The following TBC1D31 variants were observed in gnomAD, a reference collection of about 807,000 sequenced individuals.
TBC1D31 encodes the protein TBC1 domain family member 31.
TBC1D31 carries 99 observed loss-of-function variants against 132.9 expected under a neutral mutation model. The observed-to-expected ratio is 0.74, with a 90% CI of 0.63 to 0.88. TBC1D31 has a LOEUF of 0.88. TBC1D31 is among the 40% of genes least tolerant of loss of function. The pLI is 0.00. For missense variants in TBC1D31, 1,134 were observed against 1,256.6 expected, an observed-to-expected ratio of 0.90 and a Z score of 1.48; for synonymous variants, 385 against 419.4, an observed-to-expected ratio of 0.92 and a Z score of 1.00.
chr8:123,085,034 C>G (rs551115991), intron 4 of TBC1D31, among the ~76,000 whole-genome samples: 1 of 152,290 alleles, frequency 6.6e-6, no homozygotes, highest in African/African-American at 2.4e-5. Flanking sequence ...AAGCAATCCT[C>G]TTGCCTCGGC....
At chr8:123,130,045 T>C (rs1192338761) in intron 15 of TBC1D31, among the ~76,000 whole-genome samples, 153 bp from the exon 16 acceptor site, 1 of 152,214 alleles carries the variant, frequency 6.6e-6, no homozygotes, top group Non-Finnish European at 1.5e-5. Context: ...GTATACATCA[T>C]CTTTGGTAAC....
intron 5 of TBC1D31, 84 bp downstream of exon 5, chr8:123,093,826 C>A: frequency 2.0e-6 from 2 of 1,006,484 alleles, no homozygotes; most frequent in Admixed American, 3.0e-5. Context: ...AGTTTTTATT[C>A]AGTATCTTTT....
intron 4 of TBC1D31, among the ~76,000 whole-genome samples, chr8:123,089,319 A>G (rs1426186932): frequency 6.6e-6 from 1 of 152,202 alleles, no homozygotes; most frequent in Non-Finnish European, 1.5e-5. Context: ...AATCTATGCA[A>G]AGTTAGCACA....
chr8:123,139,260 T>C (rs1166895457), intron 17 of TBC1D31, among the ~76,000 whole-genome samples: 2 of 152,268 alleles, frequency 1.3e-5, no homozygotes, highest in South Asian at 2.1e-4. Context: ...AACACCCTGA[T>C]AGACCCATCA....
At chr8:123,087,109 G>A in intron 4 of TBC1D31, among the ~76,000 whole-genome samples, 1 of 152,172 alleles carries the variant, frequency 6.6e-6, no homozygotes, top group East Asian at 1.9e-4. Flanking sequence ...CCTCTTCAAA[G>A]CTTTCTGTTT....
chr8:123,163,148 A>G, the TBC1D31 span, among the ~76,000 whole-genome samples: 1 of 151,598 alleles, frequency 6.6e-6, no homozygotes, highest in African/African-American at 2.4e-5. Context: ...TTTAAATGTC[A>G]TATACTCAGT....
intron 7 of TBC1D31, 89 bp downstream of exon 7, chr8:123,101,096 A>G (rs951812669): frequency 9.9e-6 from 10 of 1,005,100 alleles, no homozygotes; most frequent in African/African-American, 1.6e-5. Context: ...TACTATTTCT[A>G]ACTTACCTGG....
chr8:123,094,731 G>A (rs576496422), intron 5 of TBC1D31, among the ~76,000 whole-genome samples: 2 of 151,712 alleles, frequency 1.3e-5, no homozygotes, highest in South Asian at 4.2e-4. Context: ...GTAGAGACGG[G>A]GGTTTCACCA....
At chr8:123,163,112 A>C in the TBC1D31 span, among the ~76,000 whole-genome samples, 1 of 152,102 alleles carries the variant, frequency 6.6e-6, no homozygotes, top group Non-Finnish European at 1.5e-5. Context: ...GGTGTGAGCC[A>C]CTGCGCCCGG....
chr8:123,145,555 A>T (rs184482967), intron 20 of TBC1D31, among the ~76,000 whole-genome samples: 1 of 152,228 alleles, frequency 6.6e-6, no homozygotes, highest in East Asian at 1.9e-4. Flanking sequence ...GAAAAATCAA[A>T]ATTATAATTT....
intron 12 of TBC1D31, 120 bp downstream of exon 12, chr8:123,126,309 A>G: frequency 1.5e-6 from 2 of 1,327,218 alleles, no homozygotes; most frequent in South Asian, 3.1e-5. Flanking sequence ...TTGTATTTTT[A>G]ACAGTATTCC....
At chr8:123,089,036 A>G (rs1340317034) in intron 4 of TBC1D31, among the ~76,000 whole-genome samples, 1 of 152,250 alleles carries the variant, frequency 6.6e-6, no homozygotes, top group Non-Finnish European at 1.5e-5. Flanking sequence ...ATACAGGTTG[A>G]GGATTCCCAA....
chr8:123,075,175 GT>G (rs1814370026), intron 1 of TBC1D31: 1 of 152,130 alleles, frequency 6.6e-6, no homozygotes, highest in Non-Finnish European at 1.5e-5. Context: ...TTTGCTCTGA[GT>G]TTAGTTGCCA....
At chr8:123,145,531 CA>C (rs1373483503) in intron 20 of TBC1D31, among the ~76,000 whole-genome samples, 1 of 152,094 alleles carries the variant, frequency 6.6e-6, no homozygotes, top group Admixed American at 6.6e-5. Context: ...ACAAGGCTTA[CA>C]GTGGCATCAA....
the TBC1D31 span, among the ~76,000 whole-genome samples, chr8:123,162,343 C>T: frequency 2.0e-5 from 3 of 151,906 alleles, no homozygotes; most frequent in African/African-American, 4.8e-5. Context: ...TTCTGGGAGG[C>T]GGGCTCCTGG....
chr8:123,089,765 A>AT (rs1171635075), intron 4 of TBC1D31, among the ~76,000 whole-genome samples: 1 of 152,248 alleles, frequency 6.6e-6, no homozygotes, highest in East Asian at 1.9e-4. Flanking sequence ...TATATTAACA[A>AT]TTCAGAAACC....
At chr8:123,138,750 G>A (rs7827419) in intron 17 of TBC1D31, among the ~76,000 whole-genome samples, 63,718 of 152,010 alleles carry the variant, frequency 0.42, 14,368 homozygotes, top group African/African-American at 0.58. Context: ...TGGCCATTTT[G>A]TATTTTCTTT....
intron 8 of TBC1D31, among the ~76,000 whole-genome samples, chr8:123,107,839 T>C (rs1410648518): frequency 2.0e-5 from 3 of 152,230 alleles, no homozygotes. Context: ...AGTCCTCAAC[T>C]AATCTTTGCA....
intron 13 of TBC1D31, among the ~76,000 whole-genome samples, chr8:123,126,967 C>T (rs1370224588): frequency 6.6e-6 from 1 of 152,104 alleles, no homozygotes; most frequent in Non-Finnish European, 1.5e-5. Context: ...TCTCAAACTC[C>T]TGACCTCGTG....
Sources: allele counts gnomAD v4.1 joint callset (sites outside exome capture counted in the v4.1 genomes callset), GRCh38; gene constraint gnomAD v4.1.1; transcripts MANE v1.5; gene names NCBI Gene and HGNC (gene_info 2026-07-23, HGNC 2026-07-21).